The following ZNF789 variants were observed in gnomAD, a reference collection of about 807,000 sequenced individuals.
ZNF789 encodes the protein zinc finger protein 789.
ZNF789 carries 11 observed loss-of-function variants against 15.6 expected under a neutral mutation model. The observed-to-expected ratio is 0.70, with a 90% confidence interval of 0.44 to 1.16. The LOEUF (loss-of-function observed/expected upper bound fraction) is 1.16. Ranked by LOEUF, ZNF789 falls within the 50% of genes most tolerant of loss-of-function variation. The pLI is 0.00. For synonymous variants in ZNF789, 159 were observed against 176.0 expected (o/e 0.90, Z 0.76); for missense variants, 461 against 512.6 (o/e 0.90, Z 0.97).
intron 1 of ZNF789, among the ~76,000 whole-genome samples, chr7:99,473,378 T>G (rs896976394): frequency 2.5e-4 from 38 of 152,244 alleles, no homozygotes; most frequent in Non-Finnish European, 5.1e-4. Flanking sequence ...CCAGTTAAAG[T>G]TTTAAGAGTT....
chr7:99,484,161 C>T lies in ZNF789; in HGVS notation c.265+18C>T, dbSNP rs1251244601. ...TTGCCCAGGTGGGTGAGGAAGAGAC[C>T]CAGGCGAGTGGAATCAGGAAGAGGA... On this transcript the variant is annotated intron_variant, in intron 4 of 4. Transcript: ENST00000331410. 5.6e-6 allele frequency: 9 copies of T among 1,594,284 alleles called. No individual in the cohort carries two copies. Among genetic ancestry groups the T allele is most frequent in the Non-Finnish European group, 4.3e-6 (5 of 1,163,008 alleles).
In ZNF789 at chr7:99,484,011, T is replaced by C; in HGVS notation, c.152-19T>C. The C allele has an allele frequency of 6.2e-7, 1 of 1,610,586 alleles. No homozygotes were observed. Among genetic ancestry groups the C allele is most frequent in the Non-Finnish European group, 8.5e-7 (1 of 1,176,914 alleles). On this transcript the variant is annotated intron_variant, in intron 3 of 4. Transcript: ENST00000331410. Reference sequence around the variant, plus strand: ...GTAACTCACTAACGGCCACATCCCATTTACTTCCCCATGAGTAGGATTTCA... The same window carrying C: ...GTAACTCACTAACGGCCACATCCCACTTACTTCCCCATGAGTAGGATTTCA...
intron 3 of ZNF789, chr7:99,481,808 C>CT (rs1383573253): frequency 8.1e-6 from 2 of 248,342 alleles, no homozygotes; most frequent in African/African-American, 4.6e-5. Context: ...TTTACTAGTT[C>CT]TAAAAATAAT....
rs772751153 is a variant in ZNF789 at position 99,486,553 on chromosome 7, T to A, written c.343T>A (p.Ser115Thr). The change falls in exon 5 of 5, where the codon TCA (serine) becomes ACA (threonine). Residue 115 changes from serine to threonine, a missense_variant. By Grantham distance (58) the Ser-to-Thr change is moderately conservative (BLOSUM62 1). Transcript: ENST00000331410. ...TGAAGATTTAGAGTCATATAAGATA[T>A]CAGTGGTAATGCAGGAATCAGCTGA... ...FSEDLESYKI[S>T]VVMQESAEKL... is the part of the protein sequence containing the mutation. The A allele has an allele frequency of 6.2e-7, 1 of 1,614,198 alleles. No homozygotes were observed. Among genetic ancestry groups the A allele is most frequent in the Non-Finnish European group, 8.5e-7 (1 of 1,180,036 alleles).
At position 99,478,188 on chromosome 7, in the gene ZNF789, T is replaced by A; in HGVS notation, c.25-1473T>A. ...TAAAAATCAGTTTCCAAGAACCTAT[T>A]GTGGATGTTAGGAGAGGAGTTACCA... On this transcript the variant is annotated intron_variant, in intron 2 of 4. Coordinates refer to ENST00000331410, the MANE Select transcript of ZNF789 (RefSeq NM_213603.3). The A allele has an allele frequency of 1.2e-5, 11 of 940,612 alleles. No homozygotes were observed. In the South Asian group the frequency reaches 1.6e-4, roughly 14 times the overall value. 58.3% of individuals were successfully genotyped at this position (940,612 alleles called of 1,614,324 possible).
In ZNF789 at chr7:99,487,560, G is replaced by C; in HGVS notation, c.*72G>C. 1 of 1,503,948 alleles carries C rather than the reference G, an allele frequency of 6.6e-7. No individual in the cohort carries two copies. The highest frequency in any genetic ancestry group is 8.9e-7 in the Non-Finnish European group (1 of 1,119,986). 93.2% of individuals were successfully genotyped at this position (1,503,948 alleles called of 1,614,324 possible). A position where few individuals can be genotyped will look rare whatever the true frequency, so the allele number is the denominator to read the frequency against. On this transcript the variant is annotated 3_prime_UTR_variant, in exon 5 of 5. Coordinates refer to ENST00000331410, the MANE Select transcript of ZNF789 (RefSeq NM_213603.3). The stretch of plus-strand genomic sequence containing the variant: ...TACTTCAAGTGTGTATCACGTAATT[G>C]TTTCCATGAAAAGCAATAAATGTAA...
intron 1 of ZNF789, among the ~76,000 whole-genome samples, chr7:99,474,525 C>T (rs1041823618): frequency 6.6e-6 from 1 of 151,118 alleles, no homozygotes; most frequent in South Asian, 2.1e-4. Flanking sequence ...ACCCGGGAGG[C>T]GGAGCTTGCA....
At chr7:99,482,419 G>A in intron 3 of ZNF789, 1 of 589,336 alleles carries the variant, frequency 1.7e-6, no homozygotes. Flanking sequence ...CGTGAGGTCA[G>A]GTGTGGAACT....
At chr7:99,479,589 T>A in intron 2 of ZNF789, 72 bp from the exon 3 acceptor site, 1 of 1,498,598 alleles carries the variant, frequency 6.7e-7, no homozygotes. Context: ...CTTGGTTTCC[T>A]CAGCTGTGGA....
intron 4 of ZNF789, among the ~76,000 whole-genome samples, chr7:99,484,478 C>T (rs56960923): frequency 0.018 from 2,667 of 152,208 alleles, 75 homozygotes; most frequent in African/African-American, 0.06. Flanking sequence ...AAATTAGCCC[C>T]GCGTAGTGGC....
chr7:99,478,627 C>G (rs1166611865), intron 2 of ZNF789: 40 of 346,810 alleles, frequency 1.2e-4, no homozygotes, highest in Non-Finnish European at 2.1e-4. Context: ...GCCCCTTTGC[C>G]CAGAGGGCTG....
rs61740734 is a variant in ZNF789, at chr7:99,487,133, G to A, written c.923G>A (p.Ser308Asn). The A allele has an allele frequency of 1.0e-4, 164 of 1,614,180 alleles. No individual in the cohort carries two copies. In the African/African-American group the frequency reaches 2.0e-3, roughly 20 times the overall value. Residue 308 changes from serine (S) to asparagine (N), a missense_variant, in exon 5 of 5, where the codon AGT becomes AAT. By Grantham distance (46) the Ser-to-Asn change is conservative. Coordinates refer to ENST00000331410, the MANE Select transcript of ZNF789 (RefSeq NM_213603.3). The stretch of plus-strand genomic sequence containing the variant: ...CTTATTCGACATCAGGTGATCCATA[G>A]TGGAGAAAAACGCCATAAATGCCTT... ...STLIRHQVIH[S>N]GEKRHKCLEC...
chr7:99,475,535 A>T (rs1799283313), intron 1 of ZNF789, among the ~76,000 whole-genome samples: 1 of 152,170 alleles, frequency 6.6e-6, no homozygotes, highest in Admixed American at 6.6e-5. Flanking sequence ...TGGCTGTAGG[A>T]GCAGGGTTGG....
chr7:99,485,547 C>A (rs1799887927), intron 4 of ZNF789, among the ~76,000 whole-genome samples: 1 of 152,160 alleles, frequency 6.6e-6, no homozygotes, highest in South Asian at 2.1e-4. Context: ...AAACGTGTAT[C>A]TAGGCCGGGT....
rs1190281026 is a variant in ZNF789, at chr7:99,473,340, G to C, written c.-55+284G>C. On this transcript the variant is annotated intron_variant, in intron 1 of 4. Coordinates refer to ENST00000331410, the MANE Select transcript of ZNF789 (RefSeq NM_213603.3). The stretch of plus-strand genomic sequence containing the variant: ...TCACGTGATTGTGAAGCGGCATTTT[G>C]GATTTTGTCAAAAGTTAACAGTCCC... Among the ~76,000 whole-genome samples, 4 of 152,148 alleles carry C rather than the reference G, an allele frequency of 2.6e-5. No homozygotes were observed. The East Asian group carries it at 7.7e-4, about 29-fold the overall frequency.
At chr7:99,479,850 C>G (rs1442044389) in intron 3 of ZNF789, 63 bp downstream of exon 3, 1 of 1,488,824 alleles carries the variant, frequency 6.7e-7, no homozygotes, top group Non-Finnish European at 9.0e-7. Flanking sequence ...AGCCCTTAGT[C>G]CCTTATCTGC....
Position 99,479,635 on chromosome 7 carries a change from G to A in ZNF789, c.25-26G>A, listed in dbSNP as rs745447747. Reference sequence around the variant, plus strand: ...AGCGTAAGTTATTTTAAGAATTGCAGTTACCTTTATCAGCTACTTTTCCAG... The same window carrying A: ...AGCGTAAGTTATTTTAAGAATTGCAATTACCTTTATCAGCTACTTTTCCAG... On this transcript the variant is annotated intron_variant, in intron 2 of 4. Transcript: ENST00000331410. 3.2e-5 allele frequency: 50 copies of A among 1,569,588 alleles called. No homozygotes were observed. In the Admixed American group the frequency reaches 4.0e-4, roughly 13 times the overall value.
chr7:99,478,673 G>GCTCA, intron 2 of ZNF789: 1 of 327,182 alleles, frequency 3.1e-6, no homozygotes, highest in Non-Finnish European at 6.1e-6. Flanking sequence ...CAGCTTCAGT[G>GCTCA]CTCAGCCCAC....
At position 99,474,593 on chromosome 7, in the gene ZNF789, C is replaced by CA. The variant is rs770329262; in HGVS notation, c.-55+1551dup. ...TGGGCGACAGAGCGAGACTCCACCT[C>CA]AAAAAAAAAAAAAAGAAAGTTTACG... On this transcript the variant is annotated intron_variant, in intron 1 of 4. Coordinates refer to ENST00000331410, the MANE Select transcript of ZNF789 (RefSeq NM_213603.3). Among the ~76,000 whole-genome samples the CA allele has an allele frequency of 8.0e-3, 843 of 105,460 alleles. 8 individuals carry two copies. The highest frequency in any genetic ancestry group is 0.022 in the Middle Eastern group (4 of 178). 69.2% of individuals were successfully genotyped at this position (105,460 alleles called of 152,430 possible). A position where few individuals can be genotyped will look rare whatever the true frequency, so the allele number is the denominator to read the frequency against.
Sources: allele counts gnomAD v4.1 joint callset (sites outside exome capture counted in the v4.1 genomes callset), GRCh38; gene constraint gnomAD v4.1.1; transcripts MANE v1.5; gene names NCBI Gene and HGNC (gene_info 2026-07-23, HGNC 2026-07-21).